VSTM4: variants seen among roughly 807,000 people sequenced by gnomAD.
VSTM4 encodes V-set and transmembrane domain-containing protein 4.
A neutral mutation model predicts 36.4 loss-of-function variants in VSTM4; 20 were observed. The observed-to-expected ratio is 0.55, with a 90% CI of 0.39 to 0.80. The LOEUF (loss-of-function observed/expected upper bound fraction) is 0.80. VSTM4 is among the 30% of genes least tolerant of loss of function. The pLI is 0.00. For missense variants in VSTM4, 392 were observed against 404.5 expected (o/e 0.97, Z 0.26); for synonymous variants, 182 against 173.9 (o/e 1.05, Z -0.37).
chr10:49,070,944 C>A (rs1035223562), intron 4 of VSTM4, among the ~76,000 whole-genome samples: 2 of 152,262 alleles, frequency 1.3e-5, no homozygotes, highest in Non-Finnish European at 2.9e-5. Context: ...TGCTTGGAGG[C>A]CTCCTCCCCA....
In VSTM4 at chr10:49,057,791, C is replaced by T. The variant is rs1349075676; in HGVS notation, c.668+6912G>A. Among the ~76,000 whole-genome samples the T allele has an allele frequency of 2.6e-5, 4 of 152,112 alleles. No homozygotes were observed. In the East Asian group the frequency reaches 7.7e-4, roughly 29 times the overall value. ...CCTTGCTTGCTCAGGTGGATGTGGG[C>T]AGAGGGAGGGCACAAGCATGCATGT... On this transcript the variant is annotated intron_variant, in intron 5 of 7. Coordinates refer to ENST00000332853, the MANE Select transcript of VSTM4 (RefSeq NM_001031746.5).
At chr10:49,055,820 T>C (rs972413302) in intron 5 of VSTM4, among the ~76,000 whole-genome samples, 3 of 152,244 alleles carry the variant, frequency 2.0e-5, no homozygotes, top group East Asian at 1.9e-4. Flanking sequence ...CCACATAGAA[T>C]TGTGTCTAGT....
At chr10:49,076,860 A>G (rs1417298917) in intron 4 of VSTM4, among the ~76,000 whole-genome samples, 1 of 152,204 alleles carries the variant, frequency 6.6e-6, no homozygotes, top group Non-Finnish European at 1.5e-5. Context: ...CCTTTCATAA[A>G]TGAGGAAACC....
intron 7 of VSTM4, among the ~76,000 whole-genome samples, chr10:49,041,261 T>A (rs1843516892): frequency 6.6e-6 from 1 of 152,242 alleles, no homozygotes; most frequent in South Asian, 2.1e-4. Context: ...CTCTTGTCTT[T>A]ATTGTGAATT....
intron 2 of VSTM4, among the ~76,000 whole-genome samples, chr10:49,091,000 G>T (rs191748243): frequency 2.8e-5 from 4 of 141,068 alleles, no homozygotes; most frequent in South Asian, 2.7e-4. Context: ...ATGCTGGGGT[G>T]GGGGGTGGGG....
At chr10:49,113,028 G>A (rs1007223476) in intron 1 of VSTM4, among the ~76,000 whole-genome samples, 4 of 152,150 alleles carry the variant, frequency 2.6e-5, no homozygotes, top group African/African-American at 7.2e-5. Context: ...GGGATGCAGA[G>A]GTGGGCACAG....
intron 2 of VSTM4, among the ~76,000 whole-genome samples, chr10:49,096,299 T>C (rs1844568599): frequency 6.6e-6 from 1 of 152,208 alleles, no homozygotes; most frequent in African/African-American, 2.4e-5. Flanking sequence ...AGAAACCATA[T>C]TATAATTTCA....
chr10:49,048,658 C>T, intron 5 of VSTM4, 74 bp from the exon 6 acceptor site: 1 of 1,186,066 alleles, frequency 8.4e-7, no homozygotes. Flanking sequence ...AAAAAACCCA[C>T]AATAGCTTCC....
At chr10:49,088,984 T>C (rs1250713347) in intron 2 of VSTM4, among the ~76,000 whole-genome samples, 3 of 152,250 alleles carry the variant, frequency 2.0e-5, no homozygotes, top group Non-Finnish European at 4.4e-5. Flanking sequence ...CCGGATCTAC[T>C]GAATCAGAAT....
chr10:49,044,022 TAGATA>T (rs1390493428), intron 7 of VSTM4, among the ~76,000 whole-genome samples: 2 of 152,220 alleles, frequency 1.3e-5, no homozygotes, highest in African/African-American at 4.8e-5. Flanking sequence ...TCATATGTTC[TAGATA>T]AGAAACCTTT....
At chr10:49,093,247 CT>C (rs1372142081) in intron 2 of VSTM4, among the ~76,000 whole-genome samples, 2 of 152,080 alleles carry the variant, frequency 1.3e-5, no homozygotes, top group Non-Finnish European at 2.9e-5. Flanking sequence ...ACATTCACCC[CT>C]GGACACTGCC....
intron 5 of VSTM4, among the ~76,000 whole-genome samples, chr10:49,049,953 C>A (rs910916623): frequency 2.0e-5 from 3 of 152,114 alleles, no homozygotes; most frequent in African/African-American, 7.2e-5. Flanking sequence ...TCCAGGAATT[C>A]GTTCTATGGA....
intron 2 of VSTM4, among the ~76,000 whole-genome samples, chr10:49,094,887 G>T (rs1844541528): frequency 6.6e-6 from 1 of 152,076 alleles, no homozygotes. Context: ...GCCTCTCCAA[G>T]ACTTAGGTCA....
chr10:49,107,756 G>T lies in VSTM4; in HGVS notation c.295C>A (p.Leu99Met), dbSNP rs1427642256. The change falls in exon 2 of 8, where the codon CTG becomes ATG. Residue 99 changes from leucine to methionine, a missense_variant. By Grantham distance (15) the Leu-to-Met change is conservative. Coordinates refer to ENST00000332853, the MANE Select transcript of VSTM4 (RefSeq NM_001031746.5). ...NFSRSAKRRR[L>M]RLLEEQRGAL... ...CCCCGCTGCTCCTCCAGCAGGCGCA[G>T]CCTCCGCCGTTTGGCGCTGCGGCTG... is the stretch of plus-strand genomic sequence containing the variant. 1.9e-6 allele frequency: 3 copies of T among 1,614,238 alleles called. No homozygotes were observed.
At chr10:49,095,065 A>G (rs573797240) in intron 2 of VSTM4, among the ~76,000 whole-genome samples, 1 of 152,284 alleles carries the variant, frequency 6.6e-6, no homozygotes, top group East Asian at 1.9e-4. Flanking sequence ...ACCAAGCAAA[A>G]GGGCAAACAA....
intron 3 of VSTM4, among the ~76,000 whole-genome samples, chr10:49,077,915 C>A (rs898526532): frequency 1.3e-5 from 2 of 151,490 alleles, no homozygotes; most frequent in African/African-American, 2.4e-5. Flanking sequence ...ACCACATATC[C>A]AACAAAGGAC....
intron 4 of VSTM4, among the ~76,000 whole-genome samples, chr10:49,068,558 C>G (rs560075431): frequency 6.6e-6 from 1 of 152,126 alleles, no homozygotes; most frequent in South Asian, 2.1e-4. Flanking sequence ...CCCACAGGAT[C>G]AAAAGTGATT....
At chr10:49,042,533 T>C (rs768681169) in intron 7 of VSTM4, among the ~76,000 whole-genome samples, 1 of 152,192 alleles carries the variant, frequency 6.6e-6, no homozygotes, top group Non-Finnish European at 1.5e-5. Flanking sequence ...AAGCTTCCAA[T>C]GTGCTGGTGA....
chr10:49,062,438 G>T (rs1843893578), intron 5 of VSTM4, among the ~76,000 whole-genome samples: 1 of 152,174 alleles, frequency 6.6e-6, no homozygotes, highest in Non-Finnish European at 1.5e-5. Flanking sequence ...AGTTTTGCTG[G>T]ATATAAAATT....
Sources: gnomAD v4.1 joint callset for allele counts (sites outside exome capture counted in the v4.1 genomes callset) on GRCh38, gnomAD v4.1.1 for gene constraint, MANE v1.5 for transcripts, NCBI Gene and HGNC (gene_info 2026-07-23, HGNC 2026-07-21) for gene names.